The following GAREM1 variants were observed in gnomAD, a reference collection of about 807,000 sequenced individuals.
The protein encoded by GAREM1 is GRB2 associated regulator of MAPK1 subtype 1, also known as GRB2-associated and regulator of MAPK protein 1.
Under a neutral mutation model 71.3 loss-of-function variants are expected in GAREM1, and 26 were observed. The observed-to-expected ratio is 0.36, with a 90% CI of 0.27 to 0.51. The LOEUF (loss-of-function observed/expected upper bound fraction) is 0.51. Ranked by LOEUF, GAREM1 falls within the 20% of genes least tolerant of loss-of-function variation. GAREM1 has a pLI of 0.95. For synonymous variants in GAREM1, 440 were observed against 433.2 expected (o/e 1.02, Z -0.20); for missense variants, 1,026 against 1,103.1 (o/e 0.93, Z 0.99).
intron 1 of GAREM1, among the ~76,000 whole-genome samples, chr18:32,447,044 A>C (rs535980262): frequency 6.6e-6 from 1 of 152,340 alleles, no homozygotes; most frequent in South Asian, 2.1e-4. Context: ...CATAGAGAGC[A>C]CTAATTACAT....
chr18:32,435,623 TG>T (rs1371766958), intron 1 of GAREM1, among the ~76,000 whole-genome samples: 3 of 151,994 alleles, frequency 2.0e-5, no homozygotes, highest in African/African-American at 7.2e-5. Context: ...ACAATAACAA[TG>T]AGAAATGGTG....
At chr18:32,291,861 T>C (rs2047091841) in intron 3 of GAREM1, among the ~76,000 whole-genome samples, 1 of 152,210 alleles carries the variant, frequency 6.6e-6, no homozygotes, top group African/African-American at 2.4e-5. Flanking sequence ...ATGGTATATA[T>C]CTGCCACATT....
chr18:32,413,141 C>T (rs2048436609), intron 1 of GAREM1: 4 of 1,546,166 alleles, frequency 2.6e-6, no homozygotes, highest in Non-Finnish European at 1.8e-6. Context: ...GCTTCCTCAG[C>T]TGTTCGGGCT....
At chr18:32,456,527 G>A (rs2048890856) in intron 1 of GAREM1, among the ~76,000 whole-genome samples, 1 of 152,114 alleles carries the variant, frequency 6.6e-6, no homozygotes, top group Non-Finnish European at 1.5e-5. Flanking sequence ...CATTCTGGCA[G>A]CATCTATTAA....
intron 1 of GAREM1, among the ~76,000 whole-genome samples, chr18:32,463,566 C>T (rs999122590): frequency 1.4e-5 from 2 of 138,230 alleles, no homozygotes; most frequent in Non-Finnish European, 3.1e-5. Context: ...TTTTTTAAAT[C>T]ACTTTTTTTT....
In GAREM1 at chr18:32,287,366, C is replaced by T; in HGVS notation, c.1231G>A (p.Gly411Arg). The change falls in exon 4 of 6, where the codon GGA (glycine) becomes AGA (arginine). Residue 411 changes from glycine to arginine, a missense_variant. By Grantham distance (125) the Gly-to-Arg change is moderately radical. This residue lies in a region of GAREM1 where 636 missense variants were observed against 631.2 expected (regional missense o/e 1.01). Transcript: ENST00000269209. The surrounding 1 kb of genome is among the most constrained non-coding windows in gnomAD (Gnocchi z 5.9). ...VNLHGCRDLGGDWAPFPHDIL... is the reference protein window; with the variant it reads ...VNLHGCRDLGRDWAPFPHDIL... ...TCATGAGGAAAGGGAGCCCAATCTC[C>T]CCCCAGGTCCCTGCAACCATGAAGG... The T allele has an allele frequency of 3.7e-6, 6 of 1,614,218 alleles. No homozygotes were observed. The highest frequency in any genetic ancestry group is 5.1e-6 in the Non-Finnish European group (6 of 1,180,042).
chr18:32,462,416 T>C (rs1568020896), intron 1 of GAREM1, among the ~76,000 whole-genome samples: 1 of 152,220 alleles, frequency 6.6e-6, no homozygotes, highest in Non-Finnish European at 1.5e-5. Context: ...GTATGTCTTC[T>C]TTTGAGAAAT....
At chr18:32,395,955 T>A (rs1342726492) in intron 1 of GAREM1, among the ~76,000 whole-genome samples, 1 of 152,176 alleles carries the variant, frequency 6.6e-6, no homozygotes, top group Non-Finnish European at 1.5e-5. Context: ...GGTACCCCTC[T>A]GAGACGAAGC....
intron 4 of GAREM1, among the ~76,000 whole-genome samples, chr18:32,280,680 T>C (rs1355837045): frequency 6.6e-6 from 1 of 152,252 alleles, no homozygotes; most frequent in Non-Finnish European, 1.5e-5. Context: ...AGTACCTATC[T>C]TACCAAGTAG....
chr18:32,327,218 A>G (rs2047482515), intron 2 of GAREM1, among the ~76,000 whole-genome samples: 1 of 152,224 alleles, frequency 6.6e-6, no homozygotes, highest in Non-Finnish European at 1.5e-5. Flanking sequence ...AGTGCCAGAG[A>G]TATTGGAAGG....
intron 1 of GAREM1, among the ~76,000 whole-genome samples, chr18:32,437,149 C>T (rs569945866): frequency 2.6e-4 from 39 of 152,104 alleles, no homozygotes; most frequent in Non-Finnish European, 4.1e-4. Context: ...TATAACCAAG[C>T]AAAGCAATGT....
intron 2 of GAREM1, among the ~76,000 whole-genome samples, chr18:32,331,011 A>C (rs764284959): frequency 4.6e-5 from 7 of 152,148 alleles, no homozygotes; most frequent in Non-Finnish European, 1.0e-4. Context: ...CTCACAACCA[A>C]ACCAAGCGCT....
At chr18:32,397,944 C>A (rs893972775) in intron 1 of GAREM1, among the ~76,000 whole-genome samples, 1 of 152,140 alleles carries the variant, frequency 6.6e-6, no homozygotes, top group Non-Finnish European at 1.5e-5. Flanking sequence ...TGTAAAAGAA[C>A]AGAAATTATA....
rs567251684 is a variant in GAREM1, at chr18:32,418,220, C to T, written c.122-25185G>A. 9.9e-5 allele frequency among the ~76,000 whole-genome samples: 15 copies of T among 152,240 alleles called. No individual in the cohort carries two copies. In the South Asian group the frequency reaches 1.0e-3, roughly 11 times the overall value. ...ATCACATACATATAATAGAGCAACCCGTGTTCTTTTCCCCCTTGTGAGATA... is the reference window on the plus strand; with the variant it reads ...ATCACATACATATAATAGAGCAACCTGTGTTCTTTTCCCCCTTGTGAGATA... On this transcript the variant is annotated intron_variant, in intron 1 of 5. Transcript: ENST00000269209.
intron 1 of GAREM1, among the ~76,000 whole-genome samples, chr18:32,438,734 G>C (rs1339160167): frequency 6.6e-6 from 1 of 152,164 alleles, no homozygotes; most frequent in Non-Finnish European, 1.5e-5. Context: ...TCTATAAAAT[G>C]AAATCTATAA....
intron 3 of GAREM1, among the ~76,000 whole-genome samples, chr18:32,294,562 G>A (rs929521277): frequency 6.6e-6 from 1 of 152,188 alleles, no homozygotes; most frequent in Non-Finnish European, 1.5e-5. Context: ...TGACATCACT[G>A]TAACAGCATT....
chr18:32,337,583 A>G (rs1257349844), intron 2 of GAREM1, among the ~76,000 whole-genome samples: 1 of 152,206 alleles, frequency 6.6e-6, no homozygotes, highest in Non-Finnish European at 1.5e-5. Context: ...TGCTGCCATT[A>G]CCTTTGAGAT....
intron 2 of GAREM1, among the ~76,000 whole-genome samples, chr18:32,364,028 G>GTTTTTGTTTTTTTTTTTT (rs2047903440): frequency 4.6e-5 from 1 of 21,674 alleles, no homozygotes; most frequent in African/African-American, 1.8e-4. Flanking sequence ...ATATATATAT[G>GTTTTTGTTTTTTTTTTTT]TTTTTTTTTT....
At chr18:32,335,867 A>C (rs529239419) in intron 2 of GAREM1, among the ~76,000 whole-genome samples, 1 of 152,302 alleles carries the variant, frequency 6.6e-6, no homozygotes, top group African/African-American at 2.4e-5. Flanking sequence ...GAAGTTCACA[A>C]GTGAGGGATG....
Sources: allele counts gnomAD v4.1 joint callset (sites outside exome capture counted in the v4.1 genomes callset), GRCh38; gene constraint gnomAD v4.1.1; regional missense constraint gnomAD v4.1.1; non-coding constraint Gnocchi (gnomAD v3.1); transcripts MANE v1.5; gene names NCBI Gene and HGNC (gene_info 2026-07-23, HGNC 2026-07-21).